Variants in HOXB9 observed in about 807,000 individuals in gnomAD.
The protein encoded by HOXB9 is homeobox protein Hox-B9.
A neutral mutation model predicts 21.5 loss-of-function variants in HOXB9; 10 were observed. The ratio of observed to expected loss-of-function variants is 0.47; its 90% CI spans 0.29 to 0.79. The LOEUF is 0.79. Among genes scored for constraint, HOXB9 ranks in the 30% least tolerant of loss-of-function variants. HOXB9 has a pLI of 0.10. For missense variants in HOXB9, 375 were observed against 338.7 expected (o/e 1.11, Z -0.84); for synonymous variants, 156 against 151.2 (o/e 1.03, Z -0.23).
intron 1 of HOXB9, among the ~76,000 whole-genome samples, chr17:48,624,666 C>CGAG (rs1278035026): frequency 1.3e-5 from 2 of 152,156 alleles, no homozygotes; most frequent in Non-Finnish European, 2.9e-5. Flanking sequence ...GAGTAAGAAA[C>CGAG]GAGGACCTGA....
In HOXB9 at chr17:48,622,512, TTGGAG is replaced by T; in HGVS notation, c.*383_*387del. 1 of 198,828 alleles carries T rather than the reference TTGGAG, an allele frequency of 5.0e-6. No homozygotes were observed. The allele number at this position is 198,828 out of a possible 1,614,324, so 12.3% of individuals were successfully genotyped here. On this transcript the variant is annotated 3_prime_UTR_variant, in exon 2 of 2. Coordinates refer to ENST00000311177, the MANE Select transcript of HOXB9 (RefSeq NM_024017.5). ...TGGATGTCTGCTGAGCTGTGTAGAG[TTGGAG>T]TGTCCCTGGGTGACTTTTGGGTGGG...
At position 48,622,882 on chromosome 17, in the gene HOXB9, G is replaced by A. The variant is rs943180663; in HGVS notation, c.*18C>T. On this transcript the variant is annotated 3_prime_UTR_variant, in exon 2 of 2. Coordinates refer to ENST00000311177, the MANE Select transcript of HOXB9 (RefSeq NM_024017.5). ...AGATGGGGAAGAGCTAGGGAGGACT[G>A]GGGGTAATCTTTAATCTTTACTCTT... is the stretch of plus-strand genomic sequence containing the variant. 3 of 1,567,156 alleles carry A rather than the reference G, an allele frequency of 1.9e-6. No homozygotes were observed. In the African/African-American group the frequency reaches 4.1e-5, roughly 21 times the overall value.
Position 48,621,594 on chromosome 17 carries a change from C to A in HOXB9, c.*1306G>T, listed in dbSNP as rs3826541. On this transcript the variant is annotated 3_prime_UTR_variant, in exon 2 of 2. Transcript: ENST00000311177. The stretch of plus-strand genomic sequence containing the variant: ...CATCCAGGCCCATGAAGCAGGAGGC[C>A]AAGCCCGGCCCTGGGGCGGGTCTCC... 0.057 allele frequency: 8,705 copies of A among 152,422 alleles called. 399 individuals are homozygous for A. Among genetic ancestry groups the A allele is most frequent in the South Asian group, 0.17 (808 of 4,834 alleles). The allele number at this position is 152,422 out of a possible 1,614,324, so 9.4% of individuals were successfully genotyped here.
chr17:48,622,714 A>G lies in HOXB9; in HGVS notation c.*186T>C. 3.6e-6 allele frequency: 2 copies of G among 562,866 alleles called. No homozygotes were observed. Among genetic ancestry groups the G allele is most frequent in the Non-Finnish European group, 3.2e-6 (1 of 316,522 alleles). The allele number at this position is 562,866 out of a possible 1,614,324, so 34.9% of individuals were successfully genotyped here. A position where few individuals can be genotyped will look rare whatever the true frequency, so the allele number is the denominator to read the frequency against. ...CAAAACTTTCTCCTGACACCTAGAG[A>G]GAAGAGAGAGACAGGTAAGGGCAAA... On this transcript the variant is annotated 3_prime_UTR_variant, in exon 2 of 2. Coordinates refer to ENST00000311177, the MANE Select transcript of HOXB9 (RefSeq NM_024017.5).
rs747611910 is a variant in HOXB9 at position 48,625,925 on chromosome 17, C to T, written c.345G>A (p.Ala115=). 1 of 1,573,610 alleles carries T rather than the reference C, an allele frequency of 6.4e-7. No homozygotes were observed. The highest frequency in any genetic ancestry group is 8.6e-7 in the Non-Finnish European group (1 of 1,164,038). ...GEAAPGQGQA[A]VKAEPLLGAP... ...CGCCCAGCAGCGGCTCCGCCTTCAC[C>T]GCCGCCTGGCCCTGCCCCGGGGCCG... Residue 115 remains alanine, a synonymous_variant, in exon 1 of 2, where the codon GCG becomes GCA. Coordinates refer to ENST00000311177, the MANE Select transcript of HOXB9 (RefSeq NM_024017.5).
intron 1 of HOXB9, among the ~76,000 whole-genome samples, chr17:48,623,569 T>G (rs2070788312): frequency 6.6e-6 from 1 of 152,124 alleles, no homozygotes; most frequent in African/African-American, 2.4e-5. Flanking sequence ...AGATGTCTGT[T>G]CAGTCACTGC....
Position 48,625,804 on chromosome 17 carries a change from C to G in HOXB9, c.466G>C (p.Gly156Arg), listed in dbSNP as rs199882905. 3 of 1,608,730 alleles carry G rather than the reference C, an allele frequency of 1.9e-6. No homozygotes were observed. Among genetic ancestry groups the G allele is most frequent in the South Asian group, 1.1e-5 (1 of 90,048 alleles). ...CTTCCTTCGCAAATTTTATTGTCCC[C>G]GTAGCCGGGTCTTTGATTAGACAGC... is the stretch of plus-strand genomic sequence containing the variant. ...AVLSNQRPGY[G>R]DNKICEGSED... Residue 156 changes from glycine to arginine, a missense_variant, in exon 1 of 2, where the codon GGG (glycine) becomes CGG (arginine). By Grantham distance (125) the Gly-to-Arg change is moderately radical. Transcript: ENST00000311177.
rs571150711 is a variant in HOXB9, at chr17:48,623,052, C to A, written c.601G>T (p.Glu201Ter). 1 of 1,614,258 alleles carries A rather than the reference C, an allele frequency of 6.2e-7. No homozygotes were observed. Among genetic ancestry groups the A allele is most frequent in the Non-Finnish European group, 8.5e-7 (1 of 1,180,054 alleles). ...TACATATTGAACAGAAACTCCTTCTCTAGCTCCAGCGTCTGGTATTTGGTG... is the reference window on the plus strand; with the variant it reads ...TACATATTGAACAGAAACTCCTTCTATAGCTCCAGCGTCTGGTATTTGGTG... ...PYTKYQTLEL[E>*]KEFLFNMYLT... The change falls in exon 2 of 2, where the codon GAG becomes TAG. Residue 201 changes from glutamate (E) to a stop codon, truncating the protein, a stop_gained. Coordinates refer to ENST00000311177, the MANE Select transcript of HOXB9 (RefSeq NM_024017.5). LOFTEE classifies it high-confidence loss of function.
At position 48,623,059 on chromosome 17, in the gene HOXB9, C is replaced by T. The variant is rs2070783670; in HGVS notation, c.594G>A (p.Leu198=). Residue 198 remains leucine, a synonymous_variant, in exon 2 of 2, where the codon CTG becomes CTA. Coordinates refer to ENST00000311177, the MANE Select transcript of HOXB9 (RefSeq NM_024017.5). ...TGAACAGAAACTCCTTCTCTAGCTC[C>T]AGCGTCTGGTATTTGGTGTAGGGAC... ...KRCPYTKYQT[L]ELEKEFLFNM... 6.2e-7 allele frequency: 1 copy of T among 1,614,246 alleles called. No individual in the cohort carries two copies. Among genetic ancestry groups the T allele is most frequent in the Non-Finnish European group, 8.5e-7 (1 of 1,180,044 alleles).
intron 1 of HOXB9, among the ~76,000 whole-genome samples, chr17:48,625,546 C>A (rs1292506625): frequency 6.6e-6 from 1 of 152,242 alleles, no homozygotes; most frequent in Non-Finnish European, 1.5e-5. Flanking sequence ...GTGGGGGCAG[C>A]GCTCCTCTGG....
chr17:48,626,303 G>T lies in HOXB9; in HGVS notation c.-34C>A. 2 of 1,550,580 alleles carry T rather than the reference G, an allele frequency of 1.3e-6. No homozygotes were observed. The highest frequency in any genetic ancestry group is 1.2e-5 in the South Asian group (1 of 85,800). ...ATTATCCGGGCGCTTGCAGGGGGAA[G>T]GGAAGCGCTCGCGCGGCGGCGCCCA... On this transcript the variant is annotated 5_prime_UTR_variant, in exon 1 of 2. Transcript: ENST00000311177.
chr17:48,625,672 T>G, intron 1 of HOXB9, 81 bp downstream of exon 1: 1 of 1,404,576 alleles, frequency 7.1e-7, no homozygotes, highest in African/African-American at 1.5e-5. Context: ...CCCTTCACAT[T>G]GTCCGCAGTT....
intron 1 of HOXB9, 77 bp downstream of exon 1, chr17:48,625,676 C>A (rs2070806604): frequency 7.1e-7 from 1 of 1,415,040 alleles, no homozygotes. Flanking sequence ...TCACATTGTC[C>A]GCAGTTTATT....
intron 1 of HOXB9, among the ~76,000 whole-genome samples, chr17:48,623,984 T>C (rs1026595213): frequency 2.0e-5 from 3 of 152,154 alleles, no homozygotes; most frequent in Non-Finnish European, 4.4e-5. Flanking sequence ...AGGGGTGATG[T>C]GGAGGTAAAA....
In HOXB9 at chr17:48,625,940, C is replaced by T. The variant is rs765563484; in HGVS notation, c.330G>A (p.Gly110=). 4.6e-6 allele frequency: 7 copies of T among 1,520,666 alleles called. No individual in the cohort carries two copies. The Admixed American group carries it at 7.2e-5, about 16-fold the overall frequency. The allele number at this position is 1,520,666 out of a possible 1,614,324, so 94.2% of individuals were successfully genotyped here. Residue 110 remains glycine (G), a synonymous_variant, in exon 1 of 2, where the codon GGG becomes GGA. Transcript: ENST00000311177. Reference sequence around the variant, plus strand: ...CCGCCTTCACCGCCGCCTGGCCCTGCCCCGGGGCCGCTTCGCCGCGCGGCG... The same window carrying T: ...CCGCCTTCACCGCCGCCTGGCCCTGTCCCGGGGCCGCTTCGCCGCGCGGCG... The part of the protein sequence containing the change: ...EPAPRGEAAP[G]QGQAAVKAEP...
chr17:48,623,801 T>C (rs369297112), intron 1 of HOXB9, among the ~76,000 whole-genome samples: 22 of 152,334 alleles, frequency 1.4e-4, no homozygotes, highest in East Asian at 1.2e-3. Flanking sequence ...CGCAATGCAA[T>C]TGCAACCATT....
At chr17:48,625,655 GCA>G (rs2070806341) in intron 1 of HOXB9, 96 bp downstream of exon 1, 1 of 1,337,900 alleles carries the variant, frequency 7.5e-7, no homozygotes. Flanking sequence ...GGCCACCGCC[GCA>G]GTTTCCCTTC....
In HOXB9 at chr17:48,621,716, G is replaced by C. The variant is rs1027906051; in HGVS notation, c.*1184C>G. On this transcript the variant is annotated 3_prime_UTR_variant, in exon 2 of 2. Transcript: ENST00000311177. Reference sequence around the variant, plus strand: ...GGAACGCGCAGAGCGTTGCGCGCTGGGGCCGTTGCTCCTCCCTGTCCCAGA... The same window carrying C: ...GGAACGCGCAGAGCGTTGCGCGCTGCGGCCGTTGCTCCTCCCTGTCCCAGA... 6.6e-6 allele frequency: 1 copy of C among 152,326 alleles called. No individual in the cohort carries two copies. The highest frequency in any genetic ancestry group is 2.4e-5 in the African/African-American group (1 of 41,476). The allele number at this position is 152,326 out of a possible 1,614,324, so 9.4% of individuals were successfully genotyped here.
rs1483938688 is a variant in HOXB9 at position 48,622,689 on chromosome 17, C to T, written c.*211G>A. Reference sequence around the variant, plus strand: ...CAACTATTTCTATCTTCTAAATCAACAAAACTTTCTCCTGACACCTAGAGA... The same window carrying T: ...CAACTATTTCTATCTTCTAAATCAATAAAACTTTCTCCTGACACCTAGAGA... On this transcript the variant is annotated 3_prime_UTR_variant, in exon 2 of 2. Transcript: ENST00000311177. 3.9e-6 allele frequency: 2 copies of T among 507,656 alleles called. No individual in the cohort carries two copies. The allele number at this position is 507,656 out of a possible 1,614,324, so 31.4% of individuals were successfully genotyped here. A position where few individuals can be genotyped will look rare whatever the true frequency, so the allele number is the denominator to read the frequency against.
Sources: gnomAD v4.1 joint callset for allele counts (sites outside exome capture counted in the v4.1 genomes callset) on GRCh38, gnomAD v4.1.1 for gene constraint, MANE v1.5 for transcripts, NCBI Gene and HGNC (gene_info 2026-07-23, HGNC 2026-07-21) for gene names.